GLYR1: variants seen among roughly 807,000 people sequenced by gnomAD.
GLYR1 encodes the protein glyoxylate reductase 1 homolog.
Under a neutral mutation model 72.7 loss-of-function variants are expected in GLYR1, and 21 were observed. The observed-to-expected ratio is 0.29, with a 90% CI of 0.20 to 0.42. The LOEUF (loss-of-function observed/expected upper bound fraction) is 0.42. Ranked by LOEUF, GLYR1 falls within the 10% of genes least tolerant of loss-of-function variation. The pLI is 1.00. For synonymous variants in GLYR1, 392 were observed against 270.2 expected (o/e 1.45, Z -4.42); for missense variants, 594 against 712.1 (o/e 0.83, Z 1.89).
Position 4,832,812 on chromosome 16 carries a change from C to T in GLYR1, c.256G>A (p.Val86Ile). ...TTGGCTCTCCTGAGGAACTCTTCGA[C>T]AGCATCTACCGCTTGCTGGAATCGT... ...GKRFQQAVDAVEEFLRRAKGK... is the reference protein window; with the variant it reads ...GKRFQQAVDAIEEFLRRAKGK... Residue 86 changes from valine (V) to isoleucine (I), a missense_variant, in exon 4 of 16, where the codon GTC becomes ATC. Coordinates refer to ENST00000321919, the MANE Select transcript of GLYR1 (RefSeq NM_032569.4). 6.2e-7 allele frequency: 1 copy of T among 1,613,450 alleles called. No individual in the cohort carries two copies.
Position 4,821,604 on chromosome 16 carries a change from AAGG to A in GLYR1, c.682-10_682-8del, listed in dbSNP as rs766948135. 3 of 1,613,558 alleles carry A rather than the reference AAGG, an allele frequency of 1.9e-6. No individual in the cohort carries two copies. Among genetic ancestry groups the A allele is most frequent in the Admixed American group, 1.7e-5 (1 of 60,010 alleles). On this transcript the variant is annotated splice_polypyrimidine_tract_variant and splice_region_variant and intron_variant, in intron 7 of 15. Coordinates refer to ENST00000321919, the MANE Select transcript of GLYR1 (RefSeq NM_032569.4). Reference sequence around the variant, plus strand: ...CCTGGTAACAGACAGCTGGCTAATGAAGGAGGAGGAAAGAGACTACTTGTGCTA... The same window carrying A: ...CCTGGTAACAGACAGCTGGCTAATGAAGGAGGAAAGAGACTACTTGTGCTA...
At chr16:4,841,708 C>T (rs1022776312) in intron 3 of GLYR1, among the ~76,000 whole-genome samples, 2 of 152,006 alleles carry the variant, frequency 1.3e-5, no homozygotes, top group Non-Finnish European at 2.9e-5. Flanking sequence ...CTTTCAGGCT[C>T]CTTATGAGAC....
chr16:4,823,742 C>CAA (rs34966439), intron 6 of GLYR1, 79 bp downstream of exon 6: 2,516 of 774,116 alleles, frequency 3.3e-3, no homozygotes, highest in East Asian at 5.2e-3. Flanking sequence ...AAGAAAGGGA[C>CAA]AAAAAAAAAA....
chr16:4,813,755 G>T lies in GLYR1; in HGVS notation c.1101C>A (p.Thr367=), dbSNP rs772025304. The change falls in exon 12 of 16, where the codon ACC becomes ACA. Residue 367 remains threonine, a synonymous_variant. Transcript: ENST00000321919. Reference sequence around the variant, plus strand: ...CTGCTACCTGGGCCAGCTCAGTGACGGTGTCAGCGTCCACTGTTGACATGT... The same window carrying T: ...CTGCTACCTGGGCCAGCTCAGTGACTGTGTCAGCGTCCACTGTTGACATGT... ...YVDMSTVDAD[T]VTELAQVIVS... is the part of the protein sequence containing the mutation. 3 of 1,607,970 alleles carry T rather than the reference G, an allele frequency of 1.9e-6. No individual in the cohort carries two copies. In the East Asian group the frequency reaches 6.7e-5, roughly 36 times the overall value.
chr16:4,834,562 A>T (rs1229808069), intron 3 of GLYR1, among the ~76,000 whole-genome samples: 1 of 151,728 alleles, frequency 6.6e-6, no homozygotes, highest in Non-Finnish European at 1.5e-5. Context: ...TCCACCTCCC[A>T]GGTTCAAGCA....
chr16:4,817,531 G>T, intron 10 of GLYR1, 67 bp downstream of exon 10: 1 of 907,296 alleles, frequency 1.1e-6, no homozygotes, highest in East Asian at 2.4e-5. Context: ...ACAACAGGGG[G>T]AGATGTCCAC....
intron 2 of GLYR1, 54 bp downstream of exon 2, chr16:4,846,120 T>G: frequency 2.5e-6 from 4 of 1,581,064 alleles, no homozygotes; most frequent in Non-Finnish European, 3.5e-6. Context: ...TCTTACATTC[T>G]CCACCTCTTC....
Position 4,823,426 on chromosome 16 carries a change from T to A in GLYR1, c.624+395A>T, listed in dbSNP as rs1024187875. Among the ~76,000 whole-genome samples the A allele has an allele frequency of 2.0e-5, 3 of 152,188 alleles. No homozygotes were observed. The East Asian group carries it at 5.8e-4, about 29-fold the overall frequency. On this transcript the variant is annotated intron_variant, in intron 6 of 15. Transcript: ENST00000321919. ...CCATAATTATGCCCAGCAACAGGTG[T>A]AGCCGCACCAAGGATAATAAAACTA... is the stretch of plus-strand genomic sequence containing the variant.
intron 15 of GLYR1, among the ~76,000 whole-genome samples, chr16:4,809,652 G>A (rs950535754): frequency 8.6e-5 from 13 of 151,192 alleles, no homozygotes; most frequent in African/African-American, 3.2e-4. Context: ...AGCTGGTTGT[G>A]GTGGTTCATG....
At chr16:4,822,992 C>T (rs1162776529) in intron 6 of GLYR1, 61 bp from the exon 7 acceptor site, 12 of 1,380,168 alleles carry the variant, frequency 8.7e-6, no homozygotes, top group African/African-American at 1.4e-5. Flanking sequence ...ACTTCCTTCT[C>T]CCTGGTAACT....
chr16:4,836,204 C>G (rs770720172), intron 3 of GLYR1, among the ~76,000 whole-genome samples: 10 of 152,150 alleles, frequency 6.6e-5, no homozygotes, highest in Non-Finnish European at 1.0e-4. Context: ...CACCACTGGT[C>G]CTCAATAAAT....
intron 5 of GLYR1, among the ~76,000 whole-genome samples, chr16:4,825,825 T>G (rs942825595): frequency 6.6e-6 from 1 of 151,880 alleles, no homozygotes. Context: ...GCTAATTTTT[T>G]GTATTTTTAG....
intron 12 of GLYR1, 111 bp from the exon 13 acceptor site, chr16:4,812,359 G>A: frequency 8.3e-7 from 1 of 1,198,624 alleles, no homozygotes; most frequent in Non-Finnish European, 1.1e-6. Flanking sequence ...TTCCAGAGCT[G>A]GAGGGGACGG....
chr16:4,829,638 C>G (rs77232249), intron 5 of GLYR1, among the ~76,000 whole-genome samples: 2,163 of 151,764 alleles, frequency 0.014, 49 homozygotes, highest in Non-Finnish European at 0.023. Context: ...AGGCACACAC[C>G]ACCAACCCCA....
At chr16:4,817,303 T>A (rs1328475338) in intron 10 of GLYR1, among the ~76,000 whole-genome samples, 1 of 151,886 alleles carries the variant, frequency 6.6e-6, no homozygotes, top group East Asian at 2.0e-4. Flanking sequence ...GTATTTTAAG[T>A]AGAGACGGGG....
intron 5 of GLYR1, among the ~76,000 whole-genome samples, chr16:4,828,197 G>T (rs1472598427): frequency 2.0e-5 from 3 of 151,610 alleles, no homozygotes; most frequent in African/African-American, 7.3e-5. Context: ...AGCCTCCTGA[G>T]TAGCTGGGAC....
intron 6 of GLYR1, 57 bp downstream of exon 6, chr16:4,823,764 C>A (rs1015049302): frequency 2.6e-4 from 280 of 1,081,898 alleles, no homozygotes; most frequent in Non-Finnish European, 3.5e-4. Context: ...AAAAAAGGAT[C>A]ACACAGGAAC....
Position 4,845,057 on chromosome 16 carries a change from TG to T in GLYR1, c.155+16del. 1 of 1,558,450 alleles carries T rather than the reference TG, an allele frequency of 6.4e-7. No individual in the cohort carries two copies. The highest frequency in any genetic ancestry group is 8.9e-7 in the Non-Finnish European group (1 of 1,129,560). ...AGAAAGAAAGGCGAAGGGAGACTCC[TG>T]GTGAGTACTACTCACTGATCTTCTG... On this transcript the variant is annotated intron_variant, in intron 3 of 15. Coordinates refer to ENST00000321919, the MANE Select transcript of GLYR1 (RefSeq NM_032569.4).
chr16:4,809,871 C>T (rs983266220), intron 15 of GLYR1, among the ~76,000 whole-genome samples: 1 of 151,824 alleles, frequency 6.6e-6, no homozygotes, highest in Non-Finnish European at 1.5e-5. Flanking sequence ...TTGCGGTGAG[C>T]CGAGATCGCG....
Sources: allele counts gnomAD v4.1 joint callset (sites outside exome capture counted in the v4.1 genomes callset), GRCh38; gene constraint gnomAD v4.1.1; transcripts MANE v1.5; gene names NCBI Gene and HGNC (gene_info 2026-07-23, HGNC 2026-07-21).